GPR171: variants seen among roughly 807,000 people sequenced by gnomAD.
The protein encoded by GPR171 is F730001G15Rik.
In GPR171, 14 loss-of-function variants were observed where a neutral mutation model predicts 16.7. The ratio of observed to expected loss-of-function variants is 0.84; its 90% CI spans 0.55 to 1.31. The LOEUF (loss-of-function observed/expected upper bound fraction) is 1.31. Among genes scored for constraint, GPR171 ranks in the 40% most tolerant of loss-of-function variants. The pLI is 0.00. For missense variants in GPR171, 337 were observed against 378.9 expected, an observed-to-expected ratio of 0.89 and a Z score of 0.92; for synonymous variants, 134 against 135.6, an observed-to-expected ratio of 0.99 and a Z score of 0.08.
intron 1 of GPR171, among the ~76,000 whole-genome samples, chr3:151,201,863 A>G (rs1457240850): frequency 1.3e-5 from 2 of 152,178 alleles, no homozygotes; most frequent in Non-Finnish European, 2.9e-5. Context: ...ACGCACTTCT[A>G]TTTCAAATAT....
intron 2 of GPR171, among the ~76,000 whole-genome samples, chr3:151,199,838 C>G (rs1471337421): frequency 6.6e-6 from 1 of 152,010 alleles, no homozygotes; most frequent in Non-Finnish European, 1.5e-5. Flanking sequence ...TGGTTTTTTT[C>G]TTGTTTTAGT....
chr3:151,198,868 T>C lies in GPR171; in HGVS notation c.519A>G (p.Gly173=). The change falls in exon 3 of 3, where the codon GGA becomes GGG. Residue 173 remains glycine, a synonymous_variant. Coordinates refer to ENST00000309180, the MANE Select transcript of GPR171 (RefSeq NM_013308.4). ...VGCMEFKKEF[G]RNWHLLTNFI... is the part of the protein sequence containing the mutation. ...AATTTGTCAGCAAATGCCAATTTCT[T>C]CCAAATTCCTTTTTAAACTCCATAC... The C allele has an allele frequency of 6.2e-7, 1 of 1,614,094 alleles. No homozygotes were observed.
intron 1 of GPR171, 40 bp from the exon 2 acceptor site, chr3:151,201,037 AATG>A (rs1725489843): frequency 6.6e-6 from 1 of 152,180 alleles, no homozygotes; most frequent in African/African-American, 2.4e-5. Flanking sequence ...TAGAAATGAT[AATG>A]ATTATTATTA....
chr3:151,200,232 A>G (rs1408179769), intron 2 of GPR171, among the ~76,000 whole-genome samples: 1 of 152,164 alleles, frequency 6.6e-6, no homozygotes, highest in African/African-American at 2.4e-5. Flanking sequence ...CAAATCTGGA[A>G]CATTGAGCGG....
intron 1 of GPR171, among the ~76,000 whole-genome samples, chr3:151,201,585 T>A (rs1246011479): frequency 6.6e-6 from 1 of 152,232 alleles, no homozygotes; most frequent in Non-Finnish European, 1.5e-5. Context: ...GATCTGTTCT[T>A]ATTGGTCATC....
chr3:151,201,879 A>G (rs539640551), intron 1 of GPR171, among the ~76,000 whole-genome samples: 9 of 152,364 alleles, frequency 5.9e-5, no homozygotes, highest in African/African-American at 2.2e-4. Flanking sequence ...AATATTACAT[A>G]ATAATGGTAA....
chr3:151,198,546 C>A lies in GPR171; in HGVS notation c.841G>T (p.Asp281Tyr). 3 of 1,614,046 alleles carry A rather than the reference C, an allele frequency of 1.9e-6. No individual in the cohort carries two copies. The highest frequency in any genetic ancestry group is 2.5e-6 in the Non-Finnish European group (3 of 1,179,992). The change falls in exon 3 of 3, where the codon GAT becomes TAT. Residue 281 changes from aspartate (D) to tyrosine (Y), a missense_variant. Asp to Tyr is a radical substitution (Grantham distance 160). Coordinates refer to ENST00000309180, the MANE Select transcript of GPR171 (RefSeq NM_013308.4). ...LLLAVSNLCF[D>Y]PILYYHLSKA... is the part of the protein sequence containing the mutation. ...GAGAGGTGATAGTACAGGATAGGATCAAAGCACAGGTTCGACACAGCCAGG... is the reference window on the plus strand; with the variant it reads ...GAGAGGTGATAGTACAGGATAGGATAAAAGCACAGGTTCGACACAGCCAGG...
intron 2 of GPR171, among the ~76,000 whole-genome samples, chr3:151,199,970 G>GAA (rs1725294879): frequency 6.6e-6 from 1 of 151,666 alleles, no homozygotes; most frequent in Non-Finnish European, 1.5e-5. Context: ...AAAACAAACA[G>GAA]AAAAAAACCA....
chr3:151,201,107 ATT>A (rs933494386), intron 1 of GPR171, 110 bp from the exon 2 acceptor site: 8 of 152,196 alleles, frequency 5.3e-5, no homozygotes, highest in African/African-American at 1.9e-4. Flanking sequence ...GTTCTAAACA[ATT>A]TTTATGTAAT....
rs1176157292 is a variant in GPR171, at chr3:151,198,332, G to GTTT, written c.*92_*94dup. 268 of 866,686 alleles carry GTTT rather than the reference G, an allele frequency of 3.1e-4. 9 individuals carry two copies. The highest frequency in any genetic ancestry group is 4.6e-4 in the Admixed American group (15 of 32,454). 53.7% of individuals were successfully genotyped at this position (866,686 alleles called of 1,614,324 possible). A position where few individuals can be genotyped will look rare whatever the true frequency, so the allele number is the denominator to read the frequency against. On this transcript the variant is annotated 3_prime_UTR_variant, in exon 3 of 3. Coordinates refer to ENST00000309180, the MANE Select transcript of GPR171 (RefSeq NM_013308.4). ...AGCTAACTGTATTTTTTCATACTGAGTTTTTTTTTGTTTTTTTTTTTTTTA... is the reference window on the plus strand; with the variant it reads ...AGCTAACTGTATTTTTTCATACTGAGTTTTTTTTTTTTGTTTTTTTTTTTTTTA...
chr3:151,201,706 C>T (rs924933972), intron 1 of GPR171, among the ~76,000 whole-genome samples: 3 of 152,288 alleles, frequency 2.0e-5, no homozygotes, highest in Admixed American at 6.5e-5. Context: ...ATGTCCTTGG[C>T]GACCATGAAT....
At position 151,198,400 on chromosome 3, in the gene GPR171, A is replaced by G; in HGVS notation, c.*27T>C. On this transcript the variant is annotated 3_prime_UTR_variant, in exon 3 of 3. Transcript: ENST00000309180. ...TAACTTTATGGTCCAGTAAGGCCAG[A>G]ATTGGTAGCACAAAAAATCCTGTCT... The G allele has an allele frequency of 6.5e-7, 1 of 1,546,236 alleles. No homozygotes were observed. The highest frequency in any genetic ancestry group is 2.3e-5 in the East Asian group (1 of 44,192).
chr3:151,202,364 C>A (rs1725726785), intron 1 of GPR171, among the ~76,000 whole-genome samples: 1 of 152,168 alleles, frequency 6.6e-6, no homozygotes, highest in African/African-American at 2.4e-5. Context: ...GATAGAGTGC[C>A]CATTGCTTAG....
At position 151,199,009 on chromosome 3, in the gene GPR171, T is replaced by G; in HGVS notation, c.378A>C (p.Gln126His). 1 of 1,614,156 alleles carries G rather than the reference T, an allele frequency of 6.2e-7. No homozygotes were observed. Among genetic ancestry groups the G allele is most frequent in the Non-Finnish European group, 8.5e-7 (1 of 1,180,020 alleles). The stretch of plus-strand genomic sequence containing the variant: ...ATATCATTTTGGCAAATCCGGGTTC[T>G]TGTATTCGGTAGATCTTGCAGCTGT... ...LTHSCKIYRI[Q>H]EPGFAKMIST... Residue 126 changes from glutamine (Q) to histidine (H), a missense_variant, in exon 3 of 3, where the codon CAA becomes CAC. Coordinates refer to ENST00000309180, the MANE Select transcript of GPR171 (RefSeq NM_013308.4).
intron 1 of GPR171, among the ~76,000 whole-genome samples, chr3:151,201,861 C>A (rs56350229): frequency 6.6e-6 from 1 of 152,126 alleles, no homozygotes; most frequent in East Asian, 1.9e-4. Flanking sequence ...TTACGCACTT[C>A]TATTTCAAAT....
In GPR171 at chr3:151,198,360, T is replaced by TAAAA; in HGVS notation, c.*66_*67insTTTT. On this transcript the variant is annotated 3_prime_UTR_variant, in exon 3 of 3. Transcript: ENST00000309180. ...TTTTTTTGTTTTTTTTTTTTTTATC[T>TAAAA]TTCAAAGCTATAATTAACTTTATGG... is the stretch of plus-strand genomic sequence containing the variant. 8.7e-7 allele frequency: 1 copy of TAAAA among 1,155,716 alleles called. No individual in the cohort carries two copies. Among genetic ancestry groups the TAAAA allele is most frequent in the Admixed American group, 2.5e-5 (1 of 39,432 alleles). The allele number at this position is 1,155,716 out of a possible 1,614,324, so 71.6% of individuals were successfully genotyped here.
Position 151,198,417 on chromosome 3 carries a change from A to C in GPR171, c.*10T>G. 4.4e-6 allele frequency: 7 copies of C among 1,581,524 alleles called. No individual in the cohort carries two copies. The highest frequency in any genetic ancestry group is 6.0e-6 in the Non-Finnish European group (7 of 1,159,900). On this transcript the variant is annotated 3_prime_UTR_variant, in exon 3 of 3. Transcript: ENST00000309180. ...AAGGCCAGAATTGGTAGCACAAAAA[A>C]TCCTGTCTTTTATGCATTATTTTCA...
At position 151,198,967 on chromosome 3, in the gene GPR171, T is replaced by C. The variant is rs1335111171; in HGVS notation, c.420A>G (p.Leu140=). Residue 140 remains leucine, a synonymous_variant, in exon 3 of 3, where the codon CTA becomes CTG. Coordinates refer to ENST00000309180, the MANE Select transcript of GPR171 (RefSeq NM_013308.4). ...TTGGCACCATTATAAGAAGGACCAT[T>C]AGCCACACAACGGTTGATATCATTT... is the stretch of plus-strand genomic sequence containing the variant. ...FAKMISTVVW[L]MVLLIMVPNM... The C allele has an allele frequency of 6.2e-7, 1 of 1,613,966 alleles. No homozygotes were observed. Among genetic ancestry groups the C allele is most frequent in the Non-Finnish European group, 8.5e-7 (1 of 1,179,942 alleles).
chr3:151,203,018 A>G (rs1725858461), intron 1 of GPR171, 86 bp downstream of exon 1: 1 of 151,822 alleles, frequency 6.6e-6, no homozygotes, highest in Non-Finnish European at 1.5e-5. Flanking sequence ...GGCTTTTTCT[A>G]CTTATAAGCC....
Sources: gnomAD v4.1 joint callset for allele counts (sites outside exome capture counted in the v4.1 genomes callset) on GRCh38, gnomAD v4.1.1 for gene constraint, MANE v1.5 for transcripts, NCBI Gene and HGNC (gene_info 2026-07-23, HGNC 2026-07-21) for gene names.